The following RORB variants were observed in gnomAD, a reference collection of about 807,000 sequenced individuals.
RORB encodes RAR related orphan receptor B, also known as nuclear receptor ROR-beta.
In RORB, 6 loss-of-function variants were observed where a neutral mutation model predicts 59.1. That is an observed-to-expected ratio of 0.10 (90% CI 0.06 to 0.20). The LOEUF is 0.20. Ranked by LOEUF, RORB falls within the 10% of genes least tolerant of loss-of-function variation. RORB has a pLI of 1.00. For missense variants in RORB, 320 were observed against 560.5 expected (o/e 0.57, Z 4.33); for synonymous variants, 215 against 204.5 (o/e 1.05, Z -0.44).
chr9:74,624,730 A>G (rs1823482448), intron 1 of RORB, among the ~76,000 whole-genome samples: 1 of 152,154 alleles, frequency 6.6e-6, no homozygotes, highest in South Asian at 2.1e-4. Flanking sequence ...TTTAACTTGG[A>G]TTTGTCGCAG....
chr9:74,679,330 A>G (rs931219870), intron 9 of RORB, among the ~76,000 whole-genome samples: 14 of 152,202 alleles, frequency 9.2e-5, no homozygotes, highest in African/African-American at 3.1e-4. Context: ...CCAAGTCATA[A>G]GTATGTACTT....
chr9:74,579,037 C>T (rs1323353), intron 1 of RORB, among the ~76,000 whole-genome samples: 47,250 of 152,080 alleles, frequency 0.31, 7,515 homozygotes, highest in Non-Finnish European at 0.35. Context: ...AGTGTTTATA[C>T]TCTATTAATC....
At chr9:74,655,771 T>G (rs144339287) in intron 4 of RORB, among the ~76,000 whole-genome samples, 1 of 152,324 alleles carries the variant, frequency 6.6e-6, no homozygotes, top group South Asian at 2.1e-4. Flanking sequence ...AGCATCTTTC[T>G]AATTGACAGA....
At chr9:74,650,017 CCAA>C (rs1299857641) in intron 4 of RORB, among the ~76,000 whole-genome samples, 5 of 152,158 alleles carry the variant, frequency 3.3e-5, no homozygotes, top group African/African-American at 1.2e-4. Context: ...ACCACCACCA[CCAA>C]CAACAACAAA....
chr9:74,680,470 T>C (rs1284651230), intron 9 of RORB, among the ~76,000 whole-genome samples: 1 of 152,174 alleles, frequency 6.6e-6, no homozygotes, highest in East Asian at 1.9e-4. Flanking sequence ...TCTGGTTTCC[T>C]ATTCCAGCCC....
Position 74,538,971 on chromosome 9 carries a change from T to C in RORB, c.7+40988T>C, listed in dbSNP as rs148871656. Among the ~76,000 whole-genome samples the C allele has an allele frequency of 1.1e-3, 175 of 152,234 alleles. 2 individuals are homozygous for C. Among genetic ancestry groups the C allele is most frequent in the African/African-American group, 3.9e-3 (164 of 41,550 alleles). ...AAGATAGTGGCAGCTATTGTTTTCA[T>C]TCCTGAAATGCTCTTGCTAATGAAT... On this transcript the variant is annotated intron_variant, in intron 1 of 9. Transcript: ENST00000376896.
At chr9:74,506,672 C>T (rs1325846932) in intron 1 of RORB, among the ~76,000 whole-genome samples, 3 of 152,062 alleles carry the variant, frequency 2.0e-5, no homozygotes, top group Admixed American at 1.3e-4. Context: ...AAGCAAATGC[C>T]TCCATTTGAA....
At chr9:74,562,029 C>T (rs759571381) in intron 1 of RORB, among the ~76,000 whole-genome samples, 20 of 152,130 alleles carry the variant, frequency 1.3e-4, no homozygotes, top group Non-Finnish European at 2.5e-4. Flanking sequence ...AACATTGTAT[C>T]CCTTTCAGTG....
intron 1 of RORB, among the ~76,000 whole-genome samples, chr9:74,609,390 G>A (rs939517076): frequency 1.3e-5 from 2 of 151,942 alleles, no homozygotes; most frequent in African/African-American, 4.8e-5. Flanking sequence ...ATGAGTAGTT[G>A]GTCATTCTGA....
At chr9:74,650,316 G>A (rs1286697215) in intron 4 of RORB, among the ~76,000 whole-genome samples, 1 of 152,200 alleles carries the variant, frequency 6.6e-6, no homozygotes, top group Non-Finnish European at 1.5e-5. Flanking sequence ...TCCACTGGCT[G>A]GGGTGAATGT....
In RORB at chr9:74,635,956, CAA is replaced by C. The variant is rs11364568; in HGVS notation, c.235+1199_235+1200del. Reference sequence around the variant, plus strand: ...AGTACACCTATAAAACAAATTTGACCAAAAAAAAAAAAAAAACAGAATCTGAC... The same window carrying C: ...AGTACACCTATAAAACAAATTTGACCAAAAAAAAAAAAAACAGAATCTGAC... On this transcript the variant is annotated intron_variant, in intron 3 of 9. Transcript: ENST00000376896. Among the ~76,000 whole-genome samples the C allele has an allele frequency of 1.7e-3, 218 of 131,600 alleles. 1 individual carries two copies. Among genetic ancestry groups the C allele is most frequent in the South Asian group, 6.1e-3 (25 of 4,102 alleles). 86.3% of individuals were successfully genotyped at this position (131,600 alleles called of 152,430 possible).
At chr9:74,500,203 C>T (rs766214472) in intron 1 of RORB, among the ~76,000 whole-genome samples, 32 of 152,122 alleles carry the variant, frequency 2.1e-4, no homozygotes, top group Non-Finnish European at 4.3e-4. Flanking sequence ...GGGGAATGCG[C>T]TGGAGAAAAT....
chr9:74,652,620 A>G (rs1824013503), intron 4 of RORB, among the ~76,000 whole-genome samples: 1 of 151,972 alleles, frequency 6.6e-6, no homozygotes, highest in Non-Finnish European at 1.5e-5. Context: ...ACATTTTGTC[A>G]ACATATTTTT....
chr9:74,686,604 G>A lies in RORB; in HGVS notation c.*986G>A, dbSNP rs565049636. 7.9e-5 allele frequency: 12 copies of A among 152,200 alleles called. No homozygotes were observed. The highest frequency in any genetic ancestry group is 6.8e-3 in the Middle Eastern group (2 of 294). 9.4% of individuals were successfully genotyped at this position (152,200 alleles called of 1,614,324 possible). A position where few individuals can be genotyped will look rare whatever the true frequency, so the allele number is the denominator to read the frequency against. ...TTCAGTGCTTATTGTGTCTTCAACT[G>A]AAAAATACAATCTGTGGATTATGAC... is the stretch of plus-strand genomic sequence containing the variant. On this transcript the variant is annotated 3_prime_UTR_variant, in exon 10 of 10. Transcript: ENST00000376896.
At chr9:74,520,981 A>G (rs1411119103) in intron 1 of RORB, among the ~76,000 whole-genome samples, 2 of 151,874 alleles carry the variant, frequency 1.3e-5, no homozygotes, top group Non-Finnish European at 2.9e-5. Flanking sequence ...CATGTGGCTA[A>G]CCCTGTATTT....
intron 1 of RORB, chr9:74,615,783 G>C: frequency 3.5e-6 from 1 of 284,860 alleles, no homozygotes; most frequent in Non-Finnish European, 7.1e-6. Flanking sequence ...ACTCAGGAAT[G>C]TATATAATAA....
chr9:74,632,029 C>T (rs1161012143), intron 2 of RORB, among the ~76,000 whole-genome samples: 1 of 152,114 alleles, frequency 6.6e-6, no homozygotes, highest in African/African-American at 2.4e-5. Context: ...TACATAATAT[C>T]TACTAAAACT....
intron 4 of RORB, among the ~76,000 whole-genome samples, chr9:74,647,260 G>A (rs1276304974): frequency 6.6e-6 from 1 of 152,132 alleles, no homozygotes; most frequent in East Asian, 1.9e-4. Flanking sequence ...TGCAGAAAAG[G>A]AAAGTAGAAC....
At chr9:74,678,856 A>T (rs1236250737) in intron 9 of RORB, among the ~76,000 whole-genome samples, 1 of 151,964 alleles carries the variant, frequency 6.6e-6, no homozygotes, top group Non-Finnish European at 1.5e-5. Context: ...ACACAGTGAA[A>T]CCCCATCTTT....
Sources: allele counts gnomAD v4.1 joint callset (sites outside exome capture counted in the v4.1 genomes callset), GRCh38; gene constraint gnomAD v4.1.1; transcripts MANE v1.5; gene names NCBI Gene and HGNC (gene_info 2026-07-23, HGNC 2026-07-21).